LDLRAD3: variants seen among roughly 807,000 people sequenced by gnomAD.
LDLRAD3 encodes the protein low-density lipoprotein receptor class A domain-containing protein 3.
A neutral mutation model predicts 29.4 loss-of-function variants in LDLRAD3; 20 were observed. The ratio of observed to expected loss-of-function variants is 0.68; its 90% confidence interval spans 0.48 to 0.99. LDLRAD3 has a LOEUF of 0.99. Ranked by LOEUF, LDLRAD3 falls within the 50% of genes least tolerant of loss-of-function variation. The pLI is 0.00. For synonymous variants in LDLRAD3, 157 were observed against 192.7 expected (o/e 0.81, Z 1.53); for missense variants, 420 against 454.3 (o/e 0.92, Z 0.69).
Position 35,998,009 on chromosome 11 carries a change from G to T in LDLRAD3, c.47-38094G>T, listed in dbSNP as rs377413132. On this transcript the variant is annotated intron_variant, in intron 1 of 5. Transcript: ENST00000315571. ...TCAGATTGGACGGTCTTCTCTAGAAGGGAGTTGACTCAGCCAGGTGGCAGC... is the reference window on the plus strand; with the variant it reads ...TCAGATTGGACGGTCTTCTCTAGAATGGAGTTGACTCAGCCAGGTGGCAGC... 2.6e-5 allele frequency among the ~76,000 whole-genome samples: 4 copies of T among 152,300 alleles called. No individual in the cohort carries two copies. In the East Asian group the frequency reaches 7.7e-4, roughly 29 times the overall value.
At chr11:36,104,156 T>A (rs1199724906) in intron 4 of LDLRAD3, among the ~76,000 whole-genome samples, 6 of 152,160 alleles carry the variant, frequency 3.9e-5, no homozygotes, top group African/African-American at 1.4e-4. Context: ...TGCCATATTG[T>A]GAGCCGCCCT....
At chr11:36,180,538 C>T (rs1336729056) in intron 4 of LDLRAD3, among the ~76,000 whole-genome samples, 1 of 152,064 alleles carries the variant, frequency 6.6e-6, no homozygotes, top group Non-Finnish European at 1.5e-5. Context: ...AGACAGGAGG[C>T]GTGTGCCAGA....
intron 4 of LDLRAD3, among the ~76,000 whole-genome samples, chr11:36,158,695 G>A (rs1011229616): frequency 3.3e-5 from 5 of 152,138 alleles, no homozygotes; most frequent in Non-Finnish European, 5.9e-5. Flanking sequence ...AGCAGTGCCT[G>A]TGGTGTGACA....
intron 3 of LDLRAD3, among the ~76,000 whole-genome samples, chr11:36,086,299 C>T (rs1264192049): frequency 6.6e-6 from 1 of 152,058 alleles, no homozygotes; most frequent in Non-Finnish European, 1.5e-5. Context: ...TTTCTTGGTT[C>T]TTAATATGAC....
chr11:35,976,469 G>A (rs151261683), intron 1 of LDLRAD3, among the ~76,000 whole-genome samples: 4 of 152,256 alleles, frequency 2.6e-5, no homozygotes, highest in East Asian at 1.9e-4. Flanking sequence ...GAAGGAGATC[G>A]TGTACAGGAG....
At chr11:36,154,684 G>T (rs1238598933) in intron 4 of LDLRAD3, among the ~76,000 whole-genome samples, 1 of 152,172 alleles carries the variant, frequency 6.6e-6, no homozygotes, top group Non-Finnish European at 1.5e-5. Flanking sequence ...AGTCAGTCTG[G>T]AGTCAGGTAA....
At position 36,013,980 on chromosome 11, in the gene LDLRAD3, A is replaced by G. The variant is rs1565162074; in HGVS notation, c.47-22123A>G. Among the ~76,000 whole-genome samples the G allele has an allele frequency of 1.3e-5, 2 of 151,994 alleles. 1 individual carries two copies. The highest frequency in any genetic ancestry group is 1.3e-4 in the Admixed American group (2 of 15,278). On this transcript the variant is annotated intron_variant, in intron 1 of 5. Coordinates refer to ENST00000315571, the MANE Select transcript of LDLRAD3 (RefSeq NM_174902.4). ...CACCCCCTTTTTTTTCCTCAAAAAG[A>G]TACTTTGTAAAAAAGTCTTCAGTTG...
chr11:36,210,896 AG>A (rs1399253918), intron 4 of LDLRAD3, among the ~76,000 whole-genome samples: 1 of 152,222 alleles, frequency 6.6e-6, no homozygotes, highest in Non-Finnish European at 1.5e-5. Flanking sequence ...GGATAGCGGG[AG>A]AGGGGTGTGC....
intron 1 of LDLRAD3, among the ~76,000 whole-genome samples, chr11:35,974,757 C>G (rs117440586): frequency 1.2e-3 from 181 of 152,310 alleles, no homozygotes; most frequent in Middle Eastern, 0.01. Context: ...AGCTGCAATA[C>G]ACACATCTGG....
At chr11:36,168,369 C>T (rs773747478) in intron 4 of LDLRAD3, among the ~76,000 whole-genome samples, 25 of 151,998 alleles carry the variant, frequency 1.6e-4, no homozygotes, top group African/African-American at 2.7e-4. Context: ...AGAATCAATA[C>T]GGGGTGAGGG....
intron 4 of LDLRAD3, among the ~76,000 whole-genome samples, chr11:36,186,677 A>C (rs1854853901): frequency 6.6e-6 from 1 of 152,198 alleles, no homozygotes; most frequent in East Asian, 1.9e-4. Context: ...CAGATTCAGA[A>C]TTAGTGAGAC....
intron 1 of LDLRAD3, among the ~76,000 whole-genome samples, chr11:35,945,043 T>G (rs1376893918): frequency 6.6e-6 from 1 of 152,206 alleles, no homozygotes; most frequent in Non-Finnish European, 1.5e-5. Flanking sequence ...CTGTCCCTCC[T>G]GGACTGGGCC....
At chr11:36,209,353 C>CTTTTTTTTT (rs71044560) in intron 4 of LDLRAD3, among the ~76,000 whole-genome samples, 8 of 68,604 alleles carry the variant, frequency 1.2e-4, no homozygotes, top group Non-Finnish European at 1.9e-4. Context: ...AGAAACTGTA[C>CTTTTTTTTT]TTTTTTTTTT....
intron 4 of LDLRAD3, among the ~76,000 whole-genome samples, chr11:36,177,593 G>T (rs1854697617): frequency 6.6e-6 from 1 of 152,184 alleles, no homozygotes; most frequent in South Asian, 2.1e-4. Context: ...GCTCTTCTGG[G>T]TCTAGCCACC....
chr11:36,043,279 T>C (rs262443), intron 2 of LDLRAD3, among the ~76,000 whole-genome samples: 92,909 of 152,086 alleles, frequency 0.61, 30,074 homozygotes, highest in Middle Eastern at 0.78. Context: ...GCCACTGCAC[T>C]CAAGTCTGAG....
At chr11:36,186,885 T>C (rs973972867) in intron 4 of LDLRAD3, among the ~76,000 whole-genome samples, 1 of 152,228 alleles carries the variant, frequency 6.6e-6, no homozygotes, top group African/African-American at 2.4e-5. Flanking sequence ...TTTTGCTGTA[T>C]GGAAATTACA....
chr11:35,988,939 A>G lies in LDLRAD3; in HGVS notation c.46+44795A>G, dbSNP rs192205784. The stretch of plus-strand genomic sequence containing the variant: ...CAGTTGCTTTTGAGGACTTAGCTAT[A>G]AATTCTTTGCCAAGACTGATGTCCA... On this transcript the variant is annotated intron_variant, in intron 1 of 5. Coordinates refer to ENST00000315571, the MANE Select transcript of LDLRAD3 (RefSeq NM_174902.4). 1.7e-4 allele frequency: 26 copies of G among 152,188 alleles called. No individual in the cohort carries two copies. The East Asian group carries it at 4.8e-3, about 28-fold the overall frequency. 9.4% of individuals were successfully genotyped at this position (152,188 alleles called of 1,614,324 possible). A position where few individuals can be genotyped will look rare whatever the true frequency, so the allele number is the denominator to read the frequency against.
intron 4 of LDLRAD3, among the ~76,000 whole-genome samples, chr11:36,173,742 G>T (rs1854631621): frequency 6.6e-6 from 1 of 152,146 alleles, no homozygotes; most frequent in Non-Finnish European, 1.5e-5. Flanking sequence ...TCTGGTTCTA[G>T]ATCTAGATCT....
intron 2 of LDLRAD3, among the ~76,000 whole-genome samples, chr11:36,063,563 T>C (rs1157848418): frequency 6.6e-6 from 1 of 152,236 alleles, no homozygotes; most frequent in African/African-American, 2.4e-5. Context: ...AAGGTTCATC[T>C]GTGTTGTATC....
Sources: gnomAD v4.1 joint callset for allele counts (sites outside exome capture counted in the v4.1 genomes callset) on GRCh38, gnomAD v4.1.1 for gene constraint, MANE v1.5 for transcripts, NCBI Gene and HGNC (gene_info 2026-07-23, HGNC 2026-07-21) for gene names.